TPM1: variants seen among roughly 807,000 people sequenced by gnomAD.
TPM1 encodes tropomyosin alpha-1 chain.
TPM1 carries 24 observed loss-of-function variants against 42.9 expected under a neutral mutation model. The observed-to-expected ratio is 0.56, with a 90% CI of 0.41 to 0.79. The LOEUF (loss-of-function observed/expected upper bound fraction) is 0.79, where lower values mean the gene tolerates loss of function less well. Among genes scored for constraint, TPM1 ranks in the 30% least tolerant of loss-of-function variants. The pLI, the probability that TPM1 is intolerant of heterozygous loss-of-function variation, is 0.00. For synonymous variants in TPM1, 136 were observed against 130.1 expected, an observed-to-expected ratio of 1.05 and a Z score of -0.31; for missense variants, 158 against 351.8, an observed-to-expected ratio of 0.45 and a Z score of 4.41.
At chr15:63,071,117 A>G (rs748196768), downstream of TPM1, 17 of 1,613,988 alleles carry the variant, frequency 1.1e-5, no homozygotes, top group Non-Finnish European at 1.4e-5. Flanking sequence ...AAAGAAGAAA[A>G]CCTTAGTATG....
In TPM1 at chr15:63,065,936, G is replaced by C. The variant is rs201563826; in HGVS notation, c.*37G>C. On this transcript the variant is annotated 3_prime_UTR_variant, in exon 10 of 10. Transcript: ENST00000403994. ...TCACTTCTCCCAAGACTCCCTCGTCGAGCTGGATGTCCCACCTCTCTGAGC... is the reference window on the plus strand; with the variant it reads ...TCACTTCTCCCAAGACTCCCTCGTCCAGCTGGATGTCCCACCTCTCTGAGC... The C allele has an allele frequency of 6.8e-6, 11 of 1,606,418 alleles. No homozygotes were observed. In the South Asian group the frequency reaches 7.8e-5, roughly 11 times the overall value.
chr15:63,057,420 A>G (rs2034980276), intron 3 of TPM1, among the ~76,000 whole-genome samples: 1 of 152,232 alleles, frequency 6.6e-6, no homozygotes, highest in Non-Finnish European at 1.5e-5. Context: ...TGTCAGGGAT[A>G]CAAGTTGGCC....
chr15:63,057,410 T>C (rs1376180597), intron 3 of TPM1, among the ~76,000 whole-genome samples: 1 of 152,158 alleles, frequency 6.6e-6, no homozygotes, highest in African/African-American at 2.4e-5. Context: ...AAAGGAGAAA[T>C]GTCAGGGATA....
At chr15:63,067,698 C>A (rs2036356303), downstream of TPM1, among the ~76,000 whole-genome samples, 1 of 152,190 alleles carries the variant, frequency 6.6e-6, no homozygotes, top group South Asian at 2.1e-4. Context: ...TCAAGTTTAT[C>A]AAGAAATTGT....
intron 2 of TPM1, chr15:63,044,688 C>A (rs776086837): frequency 4.8e-6 from 1 of 210,184 alleles, no homozygotes; most frequent in Non-Finnish European, 9.7e-6. Context: ...GGCTTCCTTT[C>A]TCATTAGTGT....
chr15:63,071,551 T>A lies in TPM1; in HGVS notation c.*379T>A, dbSNP rs74024306. Reference sequence around the variant, plus strand: ...GATTGGTGCTACTTTGAACAAAAGGTCCCCCTGTGGTCTTTTGTTCAACAT... The same window carrying A: ...GATTGGTGCTACTTTGAACAAAAGGACCCCCTGTGGTCTTTTGTTCAACAT... On this transcript the variant is annotated 3_prime_UTR_variant, in exon 9 of 9. Transcript: ENST00000267996. The A allele has an allele frequency of 4.3e-3, 1,422 of 327,422 alleles. 23 individuals carry two copies. Among genetic ancestry groups the A allele is most frequent in the African/African-American group, 0.029 (1,343 of 46,596 alleles). 20.3% of individuals were successfully genotyped at this position (327,422 alleles called of 1,614,324 possible).
chr15:63,062,182 G>T lies in TPM1; in HGVS notation c.640-33G>T, dbSNP rs780269674. ...GAAGCCATGAGTAGATTGAGCTGCA[G>T]CCTGACATCTGGAATGCTCTTTCTA... is the stretch of plus-strand genomic sequence containing the variant. On this transcript the variant is annotated intron_variant, in intron 6 of 9. Transcript: ENST00000403994. The T allele has an allele frequency of 1.3e-5, 21 of 1,603,078 alleles. 1 individual carries two copies. In the Admixed American group the frequency reaches 1.8e-4, roughly 14 times the overall value.
intron 4 of TPM1, among the ~76,000 whole-genome samples, chr15:63,060,300 C>T (rs941590412): frequency 1.3e-5 from 2 of 152,164 alleles, no homozygotes; most frequent in Middle Eastern, 3.2e-3. Context: ...CCATTATTAC[C>T]TTCAGATTAC....
At chr15:63,053,673 A>ATTTTTTT (rs397853689) in intron 2 of TPM1, among the ~76,000 whole-genome samples, 5 of 75,106 alleles carry the variant, frequency 6.7e-5, no homozygotes, top group Admixed American at 2.5e-4. Context: ...TGGAAGTTTG[A>ATTTTTTT]TTTTTTTTTT....
intron 8 of TPM1, among the ~76,000 whole-genome samples, chr15:63,063,552 G>A (rs2035930114): frequency 6.6e-6 from 1 of 152,236 alleles, no homozygotes; most frequent in African/African-American, 2.4e-5. Context: ...GTGGTCTAGT[G>A]TGGTCAGGAA....
rs562829514 is a variant in TPM1, at chr15:63,043,696, C to G, written c.115-331C>G. On this transcript the variant is annotated intron_variant, in intron 1 of 9. Coordinates refer to ENST00000403994, the MANE Select transcript of TPM1 (RefSeq NM_001018005.2). ...GCCGGCCGCCCGCGCCCGCCCGCCG[C>G]TGCCCCCAGCTCGAGGAGGACATCG... The G allele has an allele frequency of 7.1e-6, 11 of 1,544,222 alleles. No individual in the cohort carries two copies. Among genetic ancestry groups the G allele is most frequent in the Non-Finnish European group, 9.6e-6 (11 of 1,146,364 alleles).
At position 63,062,329 on chromosome 15, in the gene TPM1, T is replaced by C. The variant is rs755291162; in HGVS notation, c.702+52T>C. ...AACTGGATTTTAAATGAGTTTGTTT[T>C]CATGGAACCGGTCAGGGCCTTTTCA... On this transcript the variant is annotated intron_variant, in intron 7 of 9. Coordinates refer to ENST00000403994, the MANE Select transcript of TPM1 (RefSeq NM_001018005.2). 13 of 1,559,470 alleles carry C rather than the reference T, an allele frequency of 8.3e-6. No homozygotes were observed. In the Middle Eastern group the frequency reaches 6.7e-4, roughly 81 times the overall value.
In TPM1 at chr15:63,049,068, TGA is replaced by T. The variant is rs1304773263; in HGVS notation, c.240+4920_240+4921del. 2.8e-5 allele frequency: 8 copies of T among 284,754 alleles called. No homozygotes were observed. In the East Asian group the frequency reaches 1.1e-3, roughly 39 times the overall value. 17.6% of individuals were successfully genotyped at this position (284,754 alleles called of 1,614,324 possible). On this transcript the variant is annotated intron_variant, in intron 2 of 9. Transcript: ENST00000403994. ...TTTGCGCTGCTGGCTTGCTTTACTCTGAGAGTGGAGAGGGAGGAGGTCCTTCC... is the reference window on the plus strand; with the variant it reads ...TTTGCGCTGCTGGCTTGCTTTACTCTGAGTGGAGAGGGAGGAGGTCCTTCC...
intron 2 of TPM1, chr15:63,046,833 G>A (rs541597250): frequency 6.6e-6 from 1 of 152,588 alleles, no homozygotes; most frequent in Non-Finnish European, 1.5e-5. Flanking sequence ...CCCAAAGCCA[G>A]TTAAATCAGA....
chr15:63,070,773 T>A (rs1218001989), downstream of TPM1: 1 of 1,186,908 alleles, frequency 8.4e-7, no homozygotes. Flanking sequence ...TGTATTTGGT[T>A]TTTACCTCTC....
At chr15:63,056,687 C>G (rs1159453358) in intron 2 of TPM1, 3 of 282,946 alleles carry the variant, frequency 1.1e-5, no homozygotes, top group Admixed American at 1.1e-4. Context: ...CAAAACAAAA[C>G]AAAAAAATCT....
intron 3 of TPM1, among the ~76,000 whole-genome samples, chr15:63,058,231 G>A (rs1366744858): frequency 2.6e-5 from 4 of 152,176 alleles, no homozygotes; most frequent in Admixed American, 1.3e-4. Flanking sequence ...GTACCTTAAA[G>A]GCAGTCTGGT....
chr15:63,059,430 G>A (rs1203723728), intron 3 of TPM1, 133 bp from the exon 4 acceptor site: 10 of 666,520 alleles, frequency 1.5e-5, no homozygotes, highest in Non-Finnish European at 2.7e-5. Flanking sequence ...TTCCTGGTTT[G>A]GAAAATAAAA....
At chr15:63,057,971 C>T (rs1262500550) in intron 3 of TPM1, among the ~76,000 whole-genome samples, 2 of 152,204 alleles carry the variant, frequency 1.3e-5, no homozygotes, top group Non-Finnish European at 2.9e-5. Flanking sequence ...CAAGTGAATG[C>T]AGTCAGTCAT....
Sources: allele counts gnomAD v4.1 joint callset (sites outside exome capture counted in the v4.1 genomes callset), GRCh38; gene constraint gnomAD v4.1.1; transcripts MANE v1.5; gene names NCBI Gene and HGNC (gene_info 2026-07-23, HGNC 2026-07-21).